CSGALNACT2: variants seen among roughly 807,000 people sequenced by gnomAD.
CSGALNACT2 encodes chondroitin sulfate N-acetylgalactosaminyltransferase 2, also known as beta 4 GalNAcT-2.
CSGALNACT2 carries 35 observed loss-of-function variants against 55.3 expected under a neutral mutation model. That is an observed-to-expected ratio of 0.63 (90% CI 0.48 to 0.84). The LOEUF (loss-of-function observed/expected upper bound fraction) is 0.84, where lower values mean the gene tolerates loss of function less well. Ranked by LOEUF, CSGALNACT2 falls within the 40% of genes least tolerant of loss-of-function variation. The pLI, the probability that CSGALNACT2 is intolerant of heterozygous loss-of-function variation, is 0.00. For missense variants in CSGALNACT2, 544 were observed against 657.5 expected, an observed-to-expected ratio of 0.83 and a Z score of 1.89; for synonymous variants, 196 against 224.9, an observed-to-expected ratio of 0.87 and a Z score of 1.15.
intron 1 of CSGALNACT2, among the ~76,000 whole-genome samples, chr10:43,143,493 ATGTGTGTG>A (rs3983257): frequency 0.063 from 8,880 of 141,928 alleles, 300 homozygotes; most frequent in African/African-American, 0.1. Context: ...CTCTCCAAAA[ATGTGTGTG>A]TGTGTGTGTG....
At position 43,158,941 on chromosome 10, in the gene CSGALNACT2, A is replaced by G; in HGVS notation, c.878+10A>G. 3 of 1,523,256 alleles carry G rather than the reference A, an allele frequency of 2.0e-6. No homozygotes were observed. The African/African-American group carries it at 4.1e-5, about 21-fold the overall frequency. The allele number at this position is 1,523,256 out of a possible 1,614,324, so 94.4% of individuals were successfully genotyped here. A position where few individuals can be genotyped will look rare whatever the true frequency, so the allele number is the denominator to read the frequency against. On this transcript the variant is annotated intron_variant, in intron 3 of 7. Transcript: ENST00000374466. ...TTATGCAGAACTTCAGGTAACTGTC[A>G]GGGCTTAATGATTAAGCTACATTCT...
intron 1 of CSGALNACT2, among the ~76,000 whole-genome samples, chr10:43,141,519 A>G (rs548939904): frequency 1.3e-5 from 2 of 151,282 alleles, no homozygotes; most frequent in African/African-American, 2.4e-5. Context: ...CTGGCCACAA[A>G]TCATTTTTAA....
Position 43,166,984 on chromosome 10 carries a change from A to G in CSGALNACT2, c.1160-20A>G. 1 of 1,470,402 alleles carries G rather than the reference A, an allele frequency of 6.8e-7. No individual in the cohort carries two copies. Among genetic ancestry groups the G allele is most frequent in the Non-Finnish European group, 9.5e-7 (1 of 1,054,956 alleles). 91.1% of individuals were successfully genotyped at this position (1,470,402 alleles called of 1,614,324 possible). A position where few individuals can be genotyped will look rare whatever the true frequency, so the allele number is the denominator to read the frequency against. On this transcript the variant is annotated intron_variant, in intron 5 of 7. Transcript: ENST00000374466. ...TTCATAACTTCTTTTTATGTTACAA[A>G]CCTATATTTTAATTTGTAGGTAAGA... is the stretch of plus-strand genomic sequence containing the variant.
At chr10:43,139,705 T>G (rs370110867) in intron 1 of CSGALNACT2, among the ~76,000 whole-genome samples, 66 of 152,242 alleles carry the variant, frequency 4.3e-4, no homozygotes, top group African/African-American at 1.4e-3. Flanking sequence ...TCTTATCTGC[T>G]TTTAGTTTTC....
At chr10:43,174,156 T>C (rs1320882991) in intron 6 of CSGALNACT2, among the ~76,000 whole-genome samples, 3 of 151,422 alleles carry the variant, frequency 2.0e-5, no homozygotes, top group Admixed American at 6.6e-5. Flanking sequence ...AGTCCTCCCC[T>C]CAGGGAGCTT....
chr10:43,165,050 C>T (rs1444091161), intron 5 of CSGALNACT2, among the ~76,000 whole-genome samples: 2 of 151,866 alleles, frequency 1.3e-5, no homozygotes, highest in Admixed American at 6.6e-5. Flanking sequence ...AGTGAAACCC[C>T]GTCTCTACTA....
chr10:43,153,151 A>G (rs1308285131), intron 1 of CSGALNACT2, among the ~76,000 whole-genome samples: 2 of 152,044 alleles, frequency 1.3e-5, no homozygotes, highest in Non-Finnish European at 2.9e-5. Flanking sequence ...AGATGAGACC[A>G]CGATGAAACC....
At chr10:43,164,403 G>T (rs1323608536) in intron 5 of CSGALNACT2, among the ~76,000 whole-genome samples, 1 of 152,214 alleles carries the variant, frequency 6.6e-6, no homozygotes, top group East Asian at 1.9e-4. Context: ...CTCAGCTTTG[G>T]GCATATAGCG....
intron 1 of CSGALNACT2, among the ~76,000 whole-genome samples, chr10:43,139,180 A>G (rs1838563356): frequency 6.6e-6 from 1 of 152,150 alleles, no homozygotes; most frequent in African/African-American, 2.4e-5. Context: ...TGCTTTTGAG[A>G]TAGATATGGG....
At chr10:43,162,545 C>A in intron 4 of CSGALNACT2, 1 of 985,410 alleles carries the variant, frequency 1.0e-6, no homozygotes. Flanking sequence ...TTCCTTAAGA[C>A]GGGGAGAAGA....
intron 7 of CSGALNACT2, among the ~76,000 whole-genome samples, chr10:43,180,180 C>T (rs554198541): frequency 1.2e-3 from 184 of 152,330 alleles, no homozygotes; most frequent in African/African-American, 4.3e-3. Flanking sequence ...CTGTTTAGAA[C>T]TTAGACTCTT....
At chr10:43,162,158 G>C (rs1410067572) in intron 4 of CSGALNACT2, 2 of 518,896 alleles carry the variant, frequency 3.9e-6, no homozygotes, top group Non-Finnish European at 7.7e-6. Context: ...TCGTCTCCTT[G>C]TCTGTTTTTC....
intron 1 of CSGALNACT2, among the ~76,000 whole-genome samples, chr10:43,140,901 T>A (rs1838606272): frequency 6.6e-6 from 1 of 152,168 alleles, no homozygotes; most frequent in Non-Finnish European, 1.5e-5. Context: ...ATCGGTAGCA[T>A]CTAAGAGAAG....
At chr10:43,164,188 G>T in intron 5 of CSGALNACT2, 144 bp downstream of exon 5, 1 of 640,552 alleles carries the variant, frequency 1.6e-6, no homozygotes, top group Non-Finnish European at 2.5e-6. Flanking sequence ...TAATTTAACT[G>T]GAATACTAAA....
Position 43,184,769 on chromosome 10 carries a change from G to T in CSGALNACT2, c.*1227G>T, listed in dbSNP as rs1839663841. 6.6e-6 allele frequency: 1 copy of T among 152,160 alleles called. No individual in the cohort carries two copies. The highest frequency in any genetic ancestry group is 2.4e-5 in the African/African-American group (1 of 41,438). 9.4% of individuals were successfully genotyped at this position (152,160 alleles called of 1,614,324 possible). A position where few individuals can be genotyped will look rare whatever the true frequency, so the allele number is the denominator to read the frequency against. On this transcript the variant is annotated 3_prime_UTR_variant, in exon 8 of 8. Coordinates refer to ENST00000374466, the MANE Select transcript of CSGALNACT2 (RefSeq NM_018590.5). ...TACATTATTTGTCACACATGGATCT[G>T]TTACCATCAGGTCAATTCCTAGTAT... is the stretch of plus-strand genomic sequence containing the variant.
chr10:43,160,437 T>C, intron 3 of CSGALNACT2, 57 bp from the exon 4 acceptor site: 2 of 872,902 alleles, frequency 2.3e-6, no homozygotes, highest in Middle Eastern at 2.3e-4. Context: ...GGTTGCTTTC[T>C]TAATGAATAG....
chr10:43,178,482 G>A (rs112262337), intron 7 of CSGALNACT2, among the ~76,000 whole-genome samples: 307 of 152,054 alleles, frequency 2.0e-3, no homozygotes, highest in African/African-American at 5.5e-3. Flanking sequence ...TTAGCCAGGC[G>A]TGGTGGCAGG....
intron 7 of CSGALNACT2, among the ~76,000 whole-genome samples, chr10:43,180,961 C>T (rs747721427): frequency 5.3e-5 from 8 of 152,200 alleles, no homozygotes; most frequent in Non-Finnish European, 1.2e-4. Context: ...ATAACTTCTC[C>T]TAAGGACAGG....
At chr10:43,154,026 G>T (rs2077861289) in intron 1 of CSGALNACT2, among the ~76,000 whole-genome samples, 1 of 152,134 alleles carries the variant, frequency 6.6e-6, no homozygotes. Flanking sequence ...TTCTTAATGT[G>T]TTTTTCAGAT....
Sources: allele counts gnomAD v4.1 joint callset (sites outside exome capture counted in the v4.1 genomes callset), GRCh38; gene constraint gnomAD v4.1.1; transcripts MANE v1.5; gene names NCBI Gene and HGNC (gene_info 2026-07-23, HGNC 2026-07-21).